Variants in PKHD1 observed in about 807,000 individuals in gnomAD.
The protein encoded by PKHD1 is PKHD1 ciliary IPT domain containing fibrocystin/polyductin, also known as fibrocystin.
A neutral mutation model predicts 412.0 loss-of-function variants in PKHD1; 291 were observed. The ratio of observed to expected loss-of-function variants is 0.71; its 90% CI spans 0.64 to 0.78. PKHD1 has a LOEUF of 0.78. PKHD1 is among the 30% of genes least tolerant of loss of function. The pLI, the probability that PKHD1 is intolerant of heterozygous loss-of-function variation, is 0.00. For missense variants in PKHD1, 4,825 were observed against 4,950.7 expected (o/e 0.97, Z 0.76); for synonymous variants, 1,777 against 1,821.5 (o/e 0.98, Z 0.62).
intron 34 of PKHD1, among the ~76,000 whole-genome samples, chr6:52,014,795 TGG>T: frequency 1.4e-5 from 2 of 142,294 alleles, no homozygotes; most frequent in Non-Finnish European, 3.2e-5. Context: ...GGATCATGGA[TGG>T]ATGGATGGAT....
At chr6:51,844,110 G>A (rs1392507017) in intron 50 of PKHD1, among the ~76,000 whole-genome samples, 1 of 152,172 alleles carries the variant, frequency 6.6e-6, no homozygotes, top group Non-Finnish European at 1.5e-5. Flanking sequence ...TAGTCTATCA[G>A]GAAAACGTTG....
intron 55 of PKHD1, among the ~76,000 whole-genome samples, chr6:51,771,765 A>G (rs1477132103): frequency 6.6e-6 from 1 of 152,140 alleles, no homozygotes; most frequent in Non-Finnish European, 1.5e-5. Flanking sequence ...CTTTATTTGA[A>G]CACTGAATTT....
chr6:51,744,647 T>C, intron 59 of PKHD1, 105 bp from the exon 60 acceptor site: 1 of 866,336 alleles, frequency 1.2e-6, no homozygotes, highest in Non-Finnish European at 1.9e-6. Flanking sequence ...CAACAGATTT[T>C]TATTATTGAC....
At chr6:51,954,917 TC>T (rs1261783347) in intron 36 of PKHD1, among the ~76,000 whole-genome samples, 2 of 152,042 alleles carry the variant, frequency 1.3e-5, no homozygotes, top group Non-Finnish European at 2.9e-5. Flanking sequence ...TATGAATGTT[TC>T]CCCAACTACA....
Position 51,831,131 on chromosome 6 carries a change from A to G in PKHD1, c.8174-142T>C, listed in dbSNP as rs187920275. Reference sequence around the variant, plus strand: ...TTTATAAGTTTCTGTACAAATATTTATCAGTTAAAAAGCAAGTAATTATTC... The same window carrying G: ...TTTATAAGTTTCTGTACAAATATTTGTCAGTTAAAAAGCAAGTAATTATTC... On this transcript the variant is annotated intron_variant, in intron 51 of 66. Transcript: ENST00000371117. The G allele has an allele frequency of 1.0e-3, 680 of 675,964 alleles. 3 individuals carry two copies. The highest frequency in any genetic ancestry group is 9.0e-3 in the African/African-American group (499 of 55,320). The allele number at this position is 675,964 out of a possible 1,614,324, so 41.9% of individuals were successfully genotyped here.
intron 55 of PKHD1, among the ~76,000 whole-genome samples, chr6:51,759,204 T>C (rs899158647): frequency 6.6e-6 from 1 of 152,206 alleles, no homozygotes; most frequent in African/African-American, 2.4e-5. Context: ...CTGGTAAAGA[T>C]GGTGAGTGAC....
chr6:51,710,735 A>G (rs1780555578), intron 60 of PKHD1, among the ~76,000 whole-genome samples: 2 of 152,240 alleles, frequency 1.3e-5, no homozygotes, highest in African/African-American at 4.8e-5. Flanking sequence ...GCAACATATT[A>G]GGCAGTAATC....
chr6:51,721,778 C>T, intron 60 of PKHD1: 1 of 1,426,450 alleles, frequency 7.0e-7, no homozygotes, highest in South Asian at 1.6e-5. Flanking sequence ...TATTTCCTCT[C>T]TTTTGTATTT....
rs1424178109 is a variant in PKHD1, at chr6:51,883,281, A to G, written c.7216-54T>C. ...GTCTGAGGCTTGGTTTTTCTTGCGG[A>G]CTTCCTGTAGCTTTTAAAATTATTG... On this transcript the variant is annotated intron_variant, in intron 45 of 66. Transcript: ENST00000371117. 5 of 1,495,610 alleles carry G rather than the reference A, an allele frequency of 3.3e-6. No homozygotes were observed. The African/African-American group carries it at 6.9e-5, about 21-fold the overall frequency. The allele number at this position is 1,495,610 out of a possible 1,614,324, so 92.6% of individuals were successfully genotyped here. A position where few individuals can be genotyped will look rare whatever the true frequency, so the allele number is the denominator to read the frequency against.
chr6:51,764,515 A>C (rs932794553), intron 55 of PKHD1, among the ~76,000 whole-genome samples: 1 of 147,070 alleles, frequency 6.8e-6, no homozygotes, highest in African/African-American at 2.5e-5. Context: ...GCGATTCCTC[A>C]GGGATCTAGA....
chr6:51,833,237 G>A (rs1768586273), intron 51 of PKHD1, among the ~76,000 whole-genome samples: 1 of 152,118 alleles, frequency 6.6e-6, no homozygotes, highest in Non-Finnish European at 1.5e-5. Flanking sequence ...ACAGATGATG[G>A]AAACAAACAT....
intron 48 of PKHD1, among the ~76,000 whole-genome samples, chr6:51,867,484 G>T (rs1387257175): frequency 2.6e-5 from 4 of 152,140 alleles, no homozygotes; most frequent in African/African-American, 4.8e-5. Flanking sequence ...CTTAAAAAGA[G>T]CTTGGGAAGA....
At chr6:51,822,164 G>A (rs1490812019) in intron 52 of PKHD1, among the ~76,000 whole-genome samples, 2 of 152,176 alleles carry the variant, frequency 1.3e-5, no homozygotes, top group African/African-American at 4.8e-5. Context: ...CACCTTAAAA[G>A]TCTGCTCATG....
At chr6:52,034,179 GA>G (rs60829265) in intron 28 of PKHD1, among the ~76,000 whole-genome samples, 100,451 of 139,770 alleles carry the variant, frequency 0.72, 36,358 homozygotes, top group Admixed American at 0.81. Flanking sequence ...AACTCTAGGG[GA>G]AAAAAAAAAA....
chr6:51,764,430 A>G (rs974691882), intron 55 of PKHD1, among the ~76,000 whole-genome samples: 2 of 146,030 alleles, frequency 1.4e-5, no homozygotes, highest in Non-Finnish European at 3.0e-5. Flanking sequence ...GCTGGAGAGG[A>G]TGTGGAGAAA....
chr6:52,066,106 AGCTTCC>A, intron 11 of PKHD1, 29 bp from the exon 12 acceptor site: 11 of 1,048,644 alleles, frequency 1.0e-5, no homozygotes, highest in East Asian at 2.4e-5. Context: ...AAAAAAAGTA[AGCTTCC>A]AAATATAGAC....
At chr6:51,899,685 G>C (rs1583273377) in intron 43 of PKHD1, among the ~76,000 whole-genome samples, 1 of 151,810 alleles carries the variant, frequency 6.6e-6, no homozygotes, top group Admixed American at 6.6e-5. Context: ...GGCAGGAGAA[G>C]GAAATAAAGG....
chr6:51,797,952 G>A (rs1794855709), intron 52 of PKHD1, among the ~76,000 whole-genome samples: 1 of 152,102 alleles, frequency 6.6e-6, no homozygotes, highest in African/African-American at 2.4e-5. Flanking sequence ...ACAGCTTTTT[G>A]TTTTCATATT....
intron 63 of PKHD1, among the ~76,000 whole-genome samples, chr6:51,639,455 T>C (rs899134157): frequency 6.6e-6 from 1 of 152,084 alleles, no homozygotes; most frequent in Non-Finnish European, 1.5e-5. Context: ...AAGTTATCTA[T>C]AGTTTATGTG....
Sources: allele counts gnomAD v4.1 joint callset (sites outside exome capture counted in the v4.1 genomes callset), GRCh38; gene constraint gnomAD v4.1.1; transcripts MANE v1.5; gene names NCBI Gene and HGNC (gene_info 2026-07-23, HGNC 2026-07-21).